RFTN1: variants seen among roughly 807,000 people sequenced by gnomAD.
RFTN1 encodes raftlin, lipid raft linker 1.
A neutral mutation model predicts 46.5 loss-of-function variants in RFTN1; 26 were observed. The ratio of observed to expected loss-of-function variants is 0.56; its 90% CI spans 0.41 to 0.78. The LOEUF (loss-of-function observed/expected upper bound fraction) is 0.78, where lower values mean the gene tolerates loss of function less well. RFTN1 is among the 30% of genes least tolerant of loss of function. The pLI is 0.00. For missense variants in RFTN1, 693 were observed against 718.7 expected (o/e 0.96, Z 0.41); for synonymous variants, 261 against 284.2 (o/e 0.92, Z 0.82).
intron 2 of RFTN1, chr3:16,482,720 A>G: frequency 6.9e-7 from 1 of 1,457,106 alleles, no homozygotes; most frequent in Non-Finnish European, 9.3e-7. Context: ...TACTGTTGCT[A>G]CTGTTAACAA....
rs1338757607 is a variant in RFTN1, at chr3:16,442,676, G to C, written c.146-8639C>G. Among the ~76,000 whole-genome samples, 2 of 152,060 alleles carry C rather than the reference G, an allele frequency of 1.3e-5. No individual in the cohort carries two copies. The highest frequency in any genetic ancestry group is 2.9e-5 in the Non-Finnish European group (2 of 68,012). ...CCCCATGTTGTACATTAGATCTCTA[G>C]ATTTACTTATCATACATAACTGCAA... On this transcript the variant is annotated intron_variant, in intron 2 of 9. Coordinates refer to ENST00000334133, the MANE Select transcript of RFTN1 (RefSeq NM_015150.2). This position sits in a 1 kb window ranked among gnomAD's most constrained non-coding sequence, Gnocchi z 4.1.
At chr3:16,501,667 C>T (rs922124954) in intron 1 of RFTN1, among the ~76,000 whole-genome samples, 15 of 152,188 alleles carry the variant, frequency 9.9e-5, no homozygotes, top group African/African-American at 2.2e-4. Flanking sequence ...TATTTGAAGA[C>T]GCAAGCATGT....
chr3:16,405,113 C>T (rs1246512119), intron 4 of RFTN1, among the ~76,000 whole-genome samples: 1 of 152,110 alleles, frequency 6.6e-6, no homozygotes, highest in African/African-American at 2.4e-5. Context: ...TTCTGTGTCA[C>T]TCTGCCTGCT....
At chr3:16,497,949 T>A (rs1479038544) in intron 1 of RFTN1, among the ~76,000 whole-genome samples, 1 of 151,930 alleles carries the variant, frequency 6.6e-6, no homozygotes, top group Non-Finnish European at 1.5e-5. Context: ...AGGGTTGGGG[T>A]GGGGATCAGA....
intron 3 of RFTN1, among the ~76,000 whole-genome samples, chr3:16,431,088 C>T (rs1410575755): frequency 1.3e-5 from 2 of 152,210 alleles, no homozygotes; most frequent in African/African-American, 4.8e-5. Context: ...AACAGCCCCT[C>T]ATTGTAGCAG....
At chr3:16,423,613 A>G (rs1251702439) in intron 3 of RFTN1, among the ~76,000 whole-genome samples, 2 of 152,216 alleles carry the variant, frequency 1.3e-5, no homozygotes, top group South Asian at 4.1e-4. Flanking sequence ...GAAGCAATGA[A>G]CAAGGACTCC....
rs1008245343 is a variant in RFTN1 at position 16,443,686 on chromosome 3, A to G, written c.146-9649T>C. ...TGTCGTGACAATGGGAGCGGGGAAG[A>G]GTTAAGTTGTTATTGGTTTGCTCGT... On this transcript the variant is annotated intron_variant, in intron 2 of 9. Coordinates refer to ENST00000334133, the MANE Select transcript of RFTN1 (RefSeq NM_015150.2). This position sits in a 1 kb window ranked among gnomAD's most constrained non-coding sequence, Gnocchi z 5.5. Among the ~76,000 whole-genome samples, 9 of 152,050 alleles carry G rather than the reference A, an allele frequency of 5.9e-5. No homozygotes were observed. The highest frequency in any genetic ancestry group is 2.2e-4 in the African/African-American group (9 of 41,384).
Position 16,345,208 on chromosome 3 carries a change from A to G in RFTN1, c.1146+12724T>C, listed in dbSNP as rs886691585. The G allele has an allele frequency of 3.3e-5, 5 of 151,994 alleles. No individual in the cohort carries two copies. Among genetic ancestry groups the G allele is most frequent in the African/African-American group, 1.2e-4 (5 of 41,120 alleles). 9.4% of individuals were successfully genotyped at this position (151,994 alleles called of 1,614,324 possible). The stretch of plus-strand genomic sequence containing the variant: ...TGAGACCCTAAGCAGCAGACGACCC[A>G]GTTCAGCCCACCTGGATTTCTGGCC... On this transcript the variant is annotated intron_variant, in intron 7 of 9. Coordinates refer to ENST00000334133, the MANE Select transcript of RFTN1 (RefSeq NM_015150.2). The surrounding 1 kb of genome is among the most constrained non-coding windows in gnomAD (Gnocchi z 5.2).
intron 4 of RFTN1, among the ~76,000 whole-genome samples, chr3:16,390,959 T>C (rs1266817460): frequency 6.6e-6 from 1 of 152,228 alleles, no homozygotes. Context: ...TGATTTCTAC[T>C]CCCTGTACCC....
chr3:16,318,563 T>G (rs2068690783), intron 9 of RFTN1, among the ~76,000 whole-genome samples: 2 of 152,188 alleles, frequency 1.3e-5, no homozygotes, highest in African/African-American at 4.8e-5. Flanking sequence ...ATCTGTTTCC[T>G]CAGATAAAAC....
intron 2 of RFTN1, among the ~76,000 whole-genome samples, chr3:16,462,716 C>T (rs752474836): frequency 1.3e-5 from 2 of 152,242 alleles, no homozygotes; most frequent in Non-Finnish European, 2.9e-5. Context: ...CAAGAGACTA[C>T]GTATCTATTG....
At position 16,327,552 on chromosome 3, in the gene RFTN1, G is replaced by A. The variant is rs1004855169; in HGVS notation, c.1147-676C>T. ...AGGCAGGTGGATCACATGGTCAGGAGATCAAGACCATCCTGGCTAACACAG... is the reference window on the plus strand; with the variant it reads ...AGGCAGGTGGATCACATGGTCAGGAAATCAAGACCATCCTGGCTAACACAG... On this transcript the variant is annotated intron_variant, in intron 7 of 9. Transcript: ENST00000334133. This position sits in a 1 kb window ranked among gnomAD's most constrained non-coding sequence, Gnocchi z 4.2. Among the ~76,000 whole-genome samples, 2 of 152,066 alleles carry A rather than the reference G, an allele frequency of 1.3e-5. No individual in the cohort carries two copies. Among genetic ancestry groups the A allele is most frequent in the Admixed American group, 6.6e-5 (1 of 15,262 alleles).
At position 16,457,595 on chromosome 3, in the gene RFTN1, A is replaced by C. The variant is rs1166068369; in HGVS notation, c.146-23558T>G. 1.3e-5 allele frequency among the ~76,000 whole-genome samples: 2 copies of C among 152,232 alleles called. No homozygotes were observed. The highest frequency in any genetic ancestry group is 2.9e-5 in the Non-Finnish European group (2 of 68,038). On this transcript the variant is annotated intron_variant, in intron 2 of 9. Transcript: ENST00000334133. The surrounding 1 kb of genome is among the most constrained non-coding windows in gnomAD (Gnocchi z 4.2). The stretch of plus-strand genomic sequence containing the variant: ...AAATACCACTTATTTAGTTCTGTAA[A>C]TTTTAAGTAATAAAATTTTAGTTTT...
chr3:16,414,567 G>A (rs2075038725), intron 3 of RFTN1, among the ~76,000 whole-genome samples: 1 of 148,904 alleles, frequency 6.7e-6, no homozygotes, highest in Admixed American at 6.7e-5. Flanking sequence ...TCACACCACT[G>A]CACTCCAGCC....
In RFTN1 at chr3:16,402,017, A is replaced by C. The variant is rs1004402564; in HGVS notation, c.441+7358T>G. Reference sequence around the variant, plus strand: ...TGTTCCTGGCTTTCTTGCAAGTCCCAGCCCAACAACCACAGCTGCCTTCTG... The same window carrying C: ...TGTTCCTGGCTTTCTTGCAAGTCCCCGCCCAACAACCACAGCTGCCTTCTG... On this transcript the variant is annotated intron_variant, in intron 4 of 9. Coordinates refer to ENST00000334133, the MANE Select transcript of RFTN1 (RefSeq NM_015150.2). The surrounding 1 kb of genome is among the most constrained non-coding windows in gnomAD (Gnocchi z 4.5). Among the ~76,000 whole-genome samples the C allele has an allele frequency of 3.3e-5, 5 of 152,286 alleles. 1 individual carries two copies. The highest frequency in any genetic ancestry group is 1.3e-4 in the Admixed American group (2 of 15,298).
rs2076358144 is a variant in RFTN1 at position 16,481,028 on chromosome 3, CA to C, written c.145+12696del. ...ACACACACACACACACACACACACACACCTGAGCCCATTTTCATACAAGACT... is the reference window on the plus strand; with the variant it reads ...ACACACACACACACACACACACACACCCTGAGCCCATTTTCATACAAGACT... On this transcript the variant is annotated intron_variant, in intron 2 of 9. Transcript: ENST00000334133. The surrounding 1 kb of genome is among the most constrained non-coding windows in gnomAD (Gnocchi z 5.1). Among the ~76,000 whole-genome samples, 1 of 151,586 alleles carries C rather than the reference CA, an allele frequency of 6.6e-6. No individual in the cohort carries two copies.
Position 16,500,134 on chromosome 3 carries a change from G to A in RFTN1, c.-8-6257C>T, listed in dbSNP as rs1324274908. ...TTGCTTGTTTTTGTAAAAAACACAT[G>A]CTAAAAGTCACCTGTGTCTAGTGAG... On this transcript the variant is annotated intron_variant, in intron 1 of 9. Transcript: ENST00000334133. The surrounding 1 kb of genome is among the most constrained non-coding windows in gnomAD (Gnocchi z 5.9). Among the ~76,000 whole-genome samples the A allele has an allele frequency of 1.3e-5, 2 of 152,142 alleles. No homozygotes were observed. The highest frequency in any genetic ancestry group is 2.9e-5 in the Non-Finnish European group (2 of 68,042).
At chr3:16,478,367 A>G (rs1201718779) in intron 2 of RFTN1, among the ~76,000 whole-genome samples, 2 of 152,168 alleles carry the variant, frequency 1.3e-5, no homozygotes, top group Non-Finnish European at 2.9e-5. Context: ...AGGCACAGAG[A>G]AGTGAAGTGA....
chr3:16,316,165 A>ATACTAACACAGAATACTTCC lies in RFTN1; in HGVS notation c.*643_*662dup, dbSNP rs2068370952. On this transcript the variant is annotated 3_prime_UTR_variant, in exon 10 of 10. Transcript: ENST00000334133. This position sits in a 1 kb window ranked among gnomAD's most constrained non-coding sequence, Gnocchi z 4.5. ...CTTTAAAAACAACTTTTTGGCATTAATACTAACACAGAATACTTCCTTGAA... is the reference window on the plus strand; with the variant it reads ...CTTTAAAAACAACTTTTTGGCATTAATACTAACACAGAATACTTCCTACTAACACAGAATACTTCCTTGAA... 6.5e-6 allele frequency: 1 copy of ATACTAACACAGAATACTTCC among 153,344 alleles called. No individual in the cohort carries two copies. Among genetic ancestry groups the ATACTAACACAGAATACTTCC allele is most frequent in the East Asian group, 1.9e-4 (1 of 5,206 alleles). The allele number at this position is 153,344 out of a possible 1,614,324, so 9.5% of individuals were successfully genotyped here. A position where few individuals can be genotyped will look rare whatever the true frequency, so the allele number is the denominator to read the frequency against.
Sources: allele counts gnomAD v4.1 joint callset (sites outside exome capture counted in the v4.1 genomes callset), GRCh38; gene constraint gnomAD v4.1.1; non-coding constraint Gnocchi (gnomAD v3.1); transcripts MANE v1.5; gene names NCBI Gene and HGNC (gene_info 2026-07-23, HGNC 2026-07-21).